SNTG2: variants seen among roughly 807,000 people sequenced by gnomAD.
SNTG2 encodes the protein gamma-2-syntrophin.
In SNTG2, 74 loss-of-function variants were observed where a neutral mutation model predicts 70.9. The observed-to-expected ratio is 1.04, with a 90% CI of 0.86 to 1.27. The LOEUF is 1.27. SNTG2 is among the 50% of genes most tolerant of loss of function. The pLI, the probability that SNTG2 is intolerant of heterozygous loss-of-function variation, is 0.00. For missense variants in SNTG2, 717 were observed against 690.7 expected (o/e 1.04, Z -0.43); for synonymous variants, 278 against 273.8 (o/e 1.02, Z -0.15).
At chr2:1,085,131 C>G (rs1364995770) in intron 2 of SNTG2, among the ~76,000 whole-genome samples, 1 of 152,182 alleles carries the variant, frequency 6.6e-6, no homozygotes, top group Non-Finnish European at 1.5e-5. Context: ...CGTCTAATCA[C>G]TAACCATTAT....
chr2:1,050,005 T>A (rs928147966), intron 1 of SNTG2, among the ~76,000 whole-genome samples: 1 of 152,242 alleles, frequency 6.6e-6, no homozygotes, highest in Admixed American at 6.5e-5. Flanking sequence ...TCTCTTTTTT[T>A]CAGTTGCCTA....
chr2:1,188,512 A>G (rs1271457520), intron 8 of SNTG2, among the ~76,000 whole-genome samples: 2 of 152,178 alleles, frequency 1.3e-5, no homozygotes, highest in Non-Finnish European at 2.9e-5. Context: ...ATAAATTTTC[A>G]TACATTTTAC....
chr2:1,278,983 C>T (rs554854367), intron 14 of SNTG2, among the ~76,000 whole-genome samples: 14 of 100,488 alleles, frequency 1.4e-4, no homozygotes, highest in Admixed American at 8.8e-4. Context: ...TGTCAGCGCG[C>T]GAATCACCCC....
At chr2:1,087,051 G>A (rs1157204369) in intron 2 of SNTG2, among the ~76,000 whole-genome samples, 3 of 152,242 alleles carry the variant, frequency 2.0e-5, no homozygotes, top group East Asian at 1.9e-4. Context: ...TGAGGAATCC[G>A]GGGTGCTAAG....
chr2:997,989 C>T (rs748347770), intron 1 of SNTG2, among the ~76,000 whole-genome samples: 2 of 152,150 alleles, frequency 1.3e-5, no homozygotes, highest in Non-Finnish European at 2.9e-5. Flanking sequence ...TTAGCCTACT[C>T]ACCTGACCAG....
intron 1 of SNTG2, among the ~76,000 whole-genome samples, chr2:978,168 G>T (rs1392235379): frequency 6.6e-6 from 1 of 152,216 alleles, no homozygotes. Flanking sequence ...AGGTCACAGT[G>T]AGGGGCCTGG....
intron 1 of SNTG2, among the ~76,000 whole-genome samples, chr2:999,251 A>G (rs866665358): frequency 6.6e-6 from 1 of 152,132 alleles, no homozygotes; most frequent in African/African-American, 2.4e-5. Flanking sequence ...CAACTAGGGA[A>G]CAATTAACAT....
intron 8 of SNTG2, among the ~76,000 whole-genome samples, chr2:1,175,354 TG>T (rs1671403525): frequency 6.6e-6 from 1 of 152,212 alleles, no homozygotes; most frequent in Admixed American, 6.5e-5. Flanking sequence ...AATCAATTTG[TG>T]TCATCTGTAG....
intron 14 of SNTG2, among the ~76,000 whole-genome samples, chr2:1,274,763 T>C (rs541498674): frequency 3.6e-4 from 55 of 152,332 alleles, no homozygotes; most frequent in African/African-American, 1.3e-3. Context: ...GGTGTGGTAA[T>C]GTGTGCCAAG....
chr2:1,072,749 G>C (rs1186974072), intron 1 of SNTG2, among the ~76,000 whole-genome samples: 1 of 152,128 alleles, frequency 6.6e-6, no homozygotes, highest in Non-Finnish European at 1.5e-5. Context: ...TCCTCTGATG[G>C]ATCTGGGCAA....
intron 1 of SNTG2, among the ~76,000 whole-genome samples, chr2:1,017,563 ACACACATG>A (rs1368151768): frequency 1.4e-4 from 22 of 152,250 alleles, no homozygotes; most frequent in African/African-American, 4.6e-4. Context: ...ACACACACAT[ACACACATG>A]CACACACACA....
intron 14 of SNTG2, among the ~76,000 whole-genome samples, chr2:1,302,786 A>T (rs1056241399): frequency 2.0e-5 from 3 of 152,334 alleles, no homozygotes; most frequent in Admixed American, 6.5e-5. Context: ...TTGAAAGTAA[A>T]TGAGTAAAAA....
chr2:1,208,929 C>A (rs4971415), intron 8 of SNTG2, among the ~76,000 whole-genome samples, 174 bp from the exon 9 acceptor site: 1 of 151,766 alleles, frequency 6.6e-6, no homozygotes, highest in African/African-American at 2.4e-5. Context: ...GTCTTAAATC[C>A]GGGTAGAAGA....
intron 1 of SNTG2, among the ~76,000 whole-genome samples, chr2:975,957 G>A (rs1428535152): frequency 6.6e-6 from 1 of 152,164 alleles, no homozygotes; most frequent in South Asian, 2.1e-4. Flanking sequence ...AGATAATATT[G>A]CACATAAGAC....
At chr2:1,149,034 G>T (rs1320321834) in intron 6 of SNTG2, among the ~76,000 whole-genome samples, 1 of 152,214 alleles carries the variant, frequency 6.6e-6, no homozygotes. Flanking sequence ...GTACCCCAGG[G>T]TTACAAAATT....
At chr2:983,578 C>T (rs762901438) in intron 1 of SNTG2, among the ~76,000 whole-genome samples, 5 of 152,240 alleles carry the variant, frequency 3.3e-5, no homozygotes, top group African/African-American at 1.2e-4. Context: ...GGGCCAGAAT[C>T]GTGTTTGCAG....
At chr2:1,287,599 A>G (rs1007605819) in intron 14 of SNTG2, among the ~76,000 whole-genome samples, 7 of 152,254 alleles carry the variant, frequency 4.6e-5, no homozygotes, top group Non-Finnish European at 8.8e-5. Flanking sequence ...TGCAGGTGGC[A>G]GAGTGACGGC....
At chr2:1,067,863 C>A (rs1663259840) in intron 1 of SNTG2, among the ~76,000 whole-genome samples, 1 of 152,158 alleles carries the variant, frequency 6.6e-6, no homozygotes, top group Non-Finnish European at 1.5e-5. Context: ...TACGCAAACC[C>A]CAGGGACAGT....
At chr2:1,223,330 G>GGT (rs1675479823) in intron 9 of SNTG2, among the ~76,000 whole-genome samples, 5 of 150,760 alleles carry the variant, frequency 3.3e-5, no homozygotes, top group Non-Finnish European at 4.4e-5. Context: ...AGAGGAAGGC[G>GGT]GCGCAGTGAT....
Sources: allele counts gnomAD v4.1 joint callset (sites outside exome capture counted in the v4.1 genomes callset), GRCh38; gene constraint gnomAD v4.1.1; transcripts MANE v1.5; gene names NCBI Gene and HGNC (gene_info 2026-07-23, HGNC 2026-07-21).